Variants in CFAP47 observed in about 807,000 individuals in gnomAD.
The protein encoded by CFAP47 is cilia and flagella associated protein 47.
CFAP47 carries 29 observed loss-of-function variants against 148.1 expected under a neutral mutation model. The ratio of observed to expected loss-of-function variants is 0.20; its 90% confidence interval spans 0.15 to 0.27. CFAP47 has a LOEUF of 0.27. Among genes scored for constraint, CFAP47 ranks in the 10% least tolerant of loss-of-function variants. The pLI, the probability that CFAP47 is intolerant of heterozygous loss-of-function variation, is 1.00. For missense variants in CFAP47, 1,872 were observed against 1,697.5 expected (o/e 1.10, Z -1.81); for synonymous variants, 664 against 577.3 (o/e 1.15, Z -2.15).
intron 33 of CFAP47, among the ~76,000 whole-genome samples, chrX:36,121,289 T>A (rs1029100760): frequency 9.0e-6 from 1 of 111,098 alleles, no homozygotes; most frequent in African/African-American, 3.3e-5. Context: ...CATCAAATCA[T>A]TGAGTATTGT....
At chrX:35,932,838 G>A (rs768566449) in intron 2 of CFAP47, among the ~76,000 whole-genome samples, 2 of 110,693 alleles carry the variant, frequency 1.8e-5, no homozygotes, top group Non-Finnish European at 3.8e-5. Context: ...GGTTGGCCAG[G>A]ATGGTCTCGG....
intron 37 of CFAP47, among the ~76,000 whole-genome samples, chrX:36,154,801 CT>C (rs368274813): frequency 0.021 from 2,090 of 98,996 alleles, 58 homozygotes; most frequent in African/African-American, 0.07. Flanking sequence ...GTAATGTTGG[CT>C]TTTTTTTTTT....
At chrX:36,108,700 A>G (rs1354907635) in intron 33 of CFAP47, among the ~76,000 whole-genome samples, 2 of 110,968 alleles carry the variant, frequency 1.8e-5, no homozygotes, top group African/African-American at 3.3e-5. Flanking sequence ...ATTCACTTCA[A>G]TATCTACCAT....
At chrX:35,981,198 A>C (rs1278000002) in intron 15 of CFAP47, among the ~76,000 whole-genome samples, 1 of 109,734 alleles carries the variant, frequency 9.1e-6, no homozygotes, top group African/African-American at 3.3e-5. Flanking sequence ...GAAAATACTT[A>C]CTTAGTACCA....
rs1159668229 is a variant in CFAP47, at chrX:36,259,408, C to T, written c.7444+7964C>T. ...GTATTTGAGGCTTATTAGAATTTTG[C>T]TTATGATTGTCAGTTTCATTTTTAT... On this transcript the variant is annotated intron_variant, in intron 49 of 63. Transcript: ENST00000378653. Among the ~76,000 whole-genome samples, 6 of 110,810 alleles carry T rather than the reference C, an allele frequency of 5.4e-5. No homozygotes were observed. The East Asian group carries it at 1.1e-3, about 21-fold the overall frequency.
chrX:36,339,893 T>C (rs181948504), intron 57 of CFAP47, among the ~76,000 whole-genome samples: 2 of 112,346 alleles, frequency 1.8e-5, no homozygotes, highest in East Asian at 5.6e-4. Context: ...AAAAGCATTA[T>C]GTCATGTCTC....
At position 36,194,034 on chromosome X, in the gene CFAP47, C is replaced by T. The variant is rs187505977; in HGVS notation, c.6321+3838C>T. ...AACAGTAATTGCTATTTTCCAAAAT[C>T]AATACTATTTTTATGGACCCTCACA... On this transcript the variant is annotated intron_variant, in intron 42 of 63. Transcript: ENST00000378653. Among the ~76,000 whole-genome samples the T allele has an allele frequency of 4.9e-3, 547 of 111,375 alleles. 1 individual carries two copies. Among genetic ancestry groups the T allele is most frequent in the African/African-American group, 0.017 (523 of 30,688 alleles).
At chrX:36,248,216 A>ATGTAT (rs1940643724) in intron 48 of CFAP47, among the ~76,000 whole-genome samples, 1 of 106,062 alleles carries the variant, frequency 9.4e-6, no homozygotes, top group African/African-American at 3.4e-5. Context: ...TATATATCAT[A>ATGTAT]TATGTATTAT....
intron 48 of CFAP47, among the ~76,000 whole-genome samples, chrX:36,246,440 C>T (rs1940616003): frequency 8.9e-6 from 1 of 111,866 alleles, no homozygotes; most frequent in Admixed American, 9.5e-5. Context: ...TTAATTGACT[C>T]ACAGTTCTGC....
rs777215105 is a variant in CFAP47, at chrX:36,181,784, G to A, written c.6104+2362G>A. On this transcript the variant is annotated intron_variant, in intron 40 of 63. Coordinates refer to ENST00000378653, the MANE Select transcript of CFAP47 (RefSeq NM_001304548.2). ...CGGATTTACTCATGTGTACCCCTGT[G>A]AAGACTGTCTCCTAAATCAAAGGCA... 1.2e-3 allele frequency among the ~76,000 whole-genome samples: 134 copies of A among 111,777 alleles called. 1 individual carries two copies. The highest frequency in any genetic ancestry group is 4.3e-3 in the African/African-American group (132 of 30,855).
intron 45 of CFAP47, among the ~76,000 whole-genome samples, chrX:36,209,211 A>G (rs191616058): frequency 2.0e-3 from 224 of 112,087 alleles, no homozygotes; most frequent in African/African-American, 7.1e-3. Flanking sequence ...TATTAAAAGT[A>G]TGAGTCGGTT....
chrX:36,160,877 T>TTTAGGGCTATGAACGTTC, intron 39 of CFAP47, 108 bp downstream of exon 39: 1 of 236,155 alleles, frequency 4.2e-6, no homozygotes. Context: ...TTTGAGACAG[T>TTTAGGGCTATGAACGTTC]CTCGCTCTGT....
intron 1 of CFAP47, among the ~76,000 whole-genome samples, chrX:35,923,333 A>G (rs1269869270): frequency 8.9e-6 from 1 of 112,021 alleles, no homozygotes; most frequent in African/African-American, 3.2e-5. Context: ...TACATAAGAT[A>G]ATACATGTAA....
intron 21 of CFAP47, among the ~76,000 whole-genome samples, chrX:36,007,756 A>G (rs1427273525): frequency 3.6e-5 from 4 of 111,990 alleles, no homozygotes; most frequent in Non-Finnish European, 5.6e-5. Context: ...AGACAAGTCC[A>G]GTATGACTTT....
intron 40 of CFAP47, among the ~76,000 whole-genome samples, chrX:36,182,218 TACC>T (rs913173290): frequency 8.9e-6 from 1 of 112,152 alleles, no homozygotes; most frequent in Non-Finnish European, 1.9e-5. Context: ...TTGCCAGAAA[TACC>T]ACACAGCACT....
In CFAP47 at chrX:36,280,422, G is replaced by A. The variant is rs946271919; in HGVS notation, c.7445-65G>A. 2.5e-5 allele frequency: 10 copies of A among 405,686 alleles called. No individual in the cohort carries two copies. The South Asian group carries it at 4.3e-4, about 17-fold the overall frequency. The allele number at this position is 405,686 out of a possible 1,213,427, so 33.4% of individuals were successfully genotyped here. On this transcript the variant is annotated intron_variant, in intron 49 of 63. Coordinates refer to ENST00000378653, the MANE Select transcript of CFAP47 (RefSeq NM_001304548.2). ...AGCTAGAGTAACTTTAATATCTGTA[G>A]CTTACCTTTTGTTTCAGAAAACTAA...
At chrX:36,288,315 T>G (rs1556004972) in intron 51 of CFAP47, among the ~76,000 whole-genome samples, 1 of 112,211 alleles carries the variant, frequency 8.9e-6, no homozygotes, top group Non-Finnish European at 1.9e-5. Context: ...CTTTGGAAAT[T>G]TTAACATGTA....
intron 44 of CFAP47, among the ~76,000 whole-genome samples, chrX:36,204,440 GA>G (rs1940017334): frequency 9.1e-6 from 1 of 109,376 alleles, no homozygotes; most frequent in East Asian, 2.9e-4. Flanking sequence ...GGGGTTGGGG[GA>G]GGGGGAGGGA....
At chrX:36,004,799 C>T (rs1032603169) in intron 21 of CFAP47, among the ~76,000 whole-genome samples, 5 of 110,499 alleles carry the variant, frequency 4.5e-5, no homozygotes, top group Admixed American at 1.9e-4. Context: ...AACTTAATTA[C>T]GGTGATGATT....
Sources: gnomAD v4.1 joint callset for allele counts (sites outside exome capture counted in the v4.1 genomes callset) on GRCh38, gnomAD v4.1.1 for gene constraint, MANE v1.5 for transcripts, NCBI Gene and HGNC (gene_info 2026-07-23, HGNC 2026-07-21) for gene names.